Variants in PLXNC1 observed in about 807,000 individuals in gnomAD.
The protein encoded by PLXNC1 is plexin C1.
Under a neutral mutation model 178.2 loss-of-function variants are expected in PLXNC1, and 75 were observed. That is an observed-to-expected ratio of 0.42 (90% CI 0.35 to 0.51). The LOEUF is 0.51. PLXNC1 is among the 20% of genes least tolerant of loss of function. The probability of loss-of-function intolerance (pLI) is 0.02; values close to 1 mark genes in which losing one functional copy is unlikely to be tolerated. For synonymous variants in PLXNC1, 790 were observed against 779.9 expected (o/e 1.01, Z -0.22); for missense variants, 1,503 against 1,984.4 (o/e 0.76, Z 4.61).
intron 4 of PLXNC1, among the ~76,000 whole-genome samples, chr12:94,189,492 A>G (rs992356273): frequency 6.6e-6 from 1 of 152,190 alleles, no homozygotes; most frequent in African/African-American, 2.4e-5. Flanking sequence ...CAGCCTGGGC[A>G]ACATGGCAAA....
chr12:94,201,917 C>T (rs1318978059), intron 4 of PLXNC1, among the ~76,000 whole-genome samples: 1 of 151,808 alleles, frequency 6.6e-6, no homozygotes, highest in Non-Finnish European at 1.5e-5. Flanking sequence ...CAGGAATGCA[C>T]CACCTCGCCC....
At chr12:94,209,791 A>G in intron 5 of PLXNC1, 87 bp downstream of exon 5, 1 of 812,370 alleles carries the variant, frequency 1.2e-6, no homozygotes, top group Non-Finnish European at 2.1e-6. Context: ...TAAAATATCC[A>G]TTAGCAATCA....
At chr12:94,293,110 G>A (rs1334668723) in intron 23 of PLXNC1, among the ~76,000 whole-genome samples, 4 of 151,890 alleles carry the variant, frequency 2.6e-5, no homozygotes, top group South Asian at 4.2e-4. Context: ...CTTTTCTGTC[G>A]AGCTTCTTCT....
At chr12:94,287,151 AGAG>A (rs779417144) in intron 23 of PLXNC1, among the ~76,000 whole-genome samples, 43 of 152,246 alleles carry the variant, frequency 2.8e-4, no homozygotes, top group Non-Finnish European at 5.4e-4. Flanking sequence ...TGATGAACAC[AGAG>A]GAGGGTGCAT....
rs1250871447 is a variant in PLXNC1 at position 94,303,873 on chromosome 12, G to T, written c.4504G>T (p.Glu1502Ter). ...TCCATTGTCATCCTCAGAAATGGAA[G>T]AATTTTTAACTCAGGAATCTAAGGT... ...LPPLSSSEME[E>*]FLTQESKKHE... Residue 1502 changes from glutamate to a stop codon, truncating the protein, a stop_gained, in exon 29 of 31, where the codon GAA becomes TAA. Transcript: ENST00000258526. LOFTEE classifies it high-confidence loss of function. The T allele has an allele frequency of 6.2e-7, 1 of 1,609,090 alleles. No homozygotes were observed. The highest frequency in any genetic ancestry group is 1.3e-5 in the African/African-American group (1 of 74,666).
At chr12:94,230,625 T>C (rs1054388981) in intron 9 of PLXNC1, among the ~76,000 whole-genome samples, 1 of 152,222 alleles carries the variant, frequency 6.6e-6, no homozygotes, top group African/African-American at 2.4e-5. Context: ...ACAGGAGGGA[T>C]TTCTCGTGCT....
At chr12:94,197,437 T>TCTC (rs1555198027) in intron 4 of PLXNC1, among the ~76,000 whole-genome samples, 25,092 of 148,426 alleles carry the variant, frequency 0.17, 2,311 homozygotes, top group Non-Finnish European at 0.18. Context: ...TTAGGCCCCT[T>TCTC]TCTCTCTCTC....
At chr12:94,196,515 C>A (rs1307345139) in intron 4 of PLXNC1, among the ~76,000 whole-genome samples, 3 of 152,172 alleles carry the variant, frequency 2.0e-5, no homozygotes, top group Non-Finnish European at 2.9e-5. Flanking sequence ...TCCTGTACAG[C>A]CTGTAAAATC....
chr12:94,258,742 A>T (rs1476284965), intron 17 of PLXNC1, among the ~76,000 whole-genome samples: 2 of 152,208 alleles, frequency 1.3e-5, no homozygotes, highest in African/African-American at 4.8e-5. Context: ...TGAGGTGGGA[A>T]CCATTACTGT....
chr12:94,195,696 G>C (rs1369920735), intron 4 of PLXNC1, among the ~76,000 whole-genome samples: 1 of 152,178 alleles, frequency 6.6e-6, no homozygotes, highest in Non-Finnish European at 1.5e-5. Flanking sequence ...GCAGCCCCTG[G>C]TGGCTGTTTT....
At position 94,207,295 on chromosome 12, in the gene PLXNC1, G is replaced by A. The variant is rs1368258685; in HGVS notation, c.1440-2295G>A. 2.0e-5 allele frequency among the ~76,000 whole-genome samples: 3 copies of A among 151,622 alleles called. No homozygotes were observed. In the East Asian group the frequency reaches 5.8e-4, roughly 29 times the overall value. Reference sequence around the variant, plus strand: ...CTTAACATGGTTAGATTTTGTTTTTGCCTTATGCAGAATAAAAAATGAAAG... The same window carrying A: ...CTTAACATGGTTAGATTTTGTTTTTACCTTATGCAGAATAAAAAATGAAAG... On this transcript the variant is annotated intron_variant, in intron 4 of 30. Transcript: ENST00000258526.
At chr12:94,294,600 T>C (rs1199213586) in intron 24 of PLXNC1, 60 bp downstream of exon 24, 1 of 759,884 alleles carries the variant, frequency 1.3e-6, no homozygotes, top group Non-Finnish European at 2.3e-6. Context: ...GTATTGCTTT[T>C]TGCCTCTCTC....
At chr12:94,277,369 T>A (rs1565850041) in intron 21 of PLXNC1, among the ~76,000 whole-genome samples, 1 of 152,258 alleles carries the variant, frequency 6.6e-6, no homozygotes, top group East Asian at 1.9e-4. Flanking sequence ...ACATCAATAT[T>A]CAGATCATAG....
At chr12:94,278,998 A>AT (rs869187861) in intron 21 of PLXNC1, among the ~76,000 whole-genome samples, 1 of 18,788 alleles carries the variant, frequency 5.3e-5, no homozygotes, top group Non-Finnish European at 9.8e-5. Flanking sequence ...ACTCCATCTC[A>AT]AAAAAAAAAG....
At chr12:94,228,797 T>TCATC (rs1284683034) in intron 9 of PLXNC1, among the ~76,000 whole-genome samples, 1 of 152,222 alleles carries the variant, frequency 6.6e-6, no homozygotes, top group East Asian at 1.9e-4. Flanking sequence ...GTTTATCCAT[T>TCATC]CATCCATGGA....
intron 1 of PLXNC1, among the ~76,000 whole-genome samples, chr12:94,161,466 C>T (rs1418803236): frequency 1.3e-5 from 2 of 152,164 alleles, no homozygotes; most frequent in Non-Finnish European, 2.9e-5. Context: ...ATTTTTTACT[C>T]TAAATCACTT....
chr12:94,237,732 G>C lies in PLXNC1; in HGVS notation c.2049G>C (p.Thr683=). 1 of 1,613,804 alleles carries C rather than the reference G, an allele frequency of 6.2e-7. No homozygotes were observed. Among genetic ancestry groups the C allele is most frequent in the Middle Eastern group, 1.6e-4 (1 of 6,062 alleles). Residue 683 remains threonine (T), a synonymous_variant, in exon 10 of 31, where the codon ACG becomes ACC. Coordinates refer to ENST00000258526, the MANE Select transcript of PLXNC1 (RefSeq NM_005761.3). ...STLGKSNVIV[T]GANFTRASNI... ...TAGGGAAAAGCAACGTGATAGTAACGGGAGCAAACTTTACCCGGGCATCGA... is the reference window on the plus strand; with the variant it reads ...TAGGGAAAAGCAACGTGATAGTAACCGGAGCAAACTTTACCCGGGCATCGA...
At chr12:94,281,307 A>G (rs1289146426) in intron 22 of PLXNC1, among the ~76,000 whole-genome samples, 1 of 152,088 alleles carries the variant, frequency 6.6e-6, no homozygotes, top group Non-Finnish European at 1.5e-5. Flanking sequence ...AACCAAAAAA[A>G]AGAAATCCAA....
rs770390832 is a variant in PLXNC1 at position 94,260,413 on chromosome 12, G to A, written c.3252-229G>A. Among the ~76,000 whole-genome samples, 48 of 150,962 alleles carry A rather than the reference G, an allele frequency of 3.2e-4. No individual in the cohort carries two copies. Among genetic ancestry groups the A allele is most frequent in the South Asian group, 1.5e-3 (7 of 4,772 alleles). ...TTAATTTTTATTTTTAAAACATCCC[G>A]AAACTTTGGAAGACTCACATCTTGT... is the stretch of plus-strand genomic sequence containing the variant. On this transcript the variant is annotated intron_variant, in intron 19 of 30. Coordinates refer to ENST00000258526, the MANE Select transcript of PLXNC1 (RefSeq NM_005761.3). The surrounding 1 kb of genome is among the most constrained non-coding windows in gnomAD (Gnocchi z 4.4).
Sources: allele counts gnomAD v4.1 joint callset (sites outside exome capture counted in the v4.1 genomes callset), GRCh38; gene constraint gnomAD v4.1.1; non-coding constraint Gnocchi (gnomAD v3.1); transcripts MANE v1.5; gene names NCBI Gene and HGNC (gene_info 2026-07-23, HGNC 2026-07-21).